The following NAA11 variants were observed in gnomAD, a reference collection of about 807,000 sequenced individuals.
The protein encoded by NAA11 is N-alpha-acetyltransferase 11, NatA catalytic subunit, also known as N-alpha-acetyltransferase 11.
A neutral mutation model predicts 16.1 loss-of-function variants in NAA11; 15 were observed. The observed-to-expected ratio is 0.93, with a 90% CI of 0.62 to 1.44. The LOEUF is 1.44. Among genes scored for constraint, NAA11 ranks in the 40% most tolerant of loss-of-function variants. The probability of loss-of-function intolerance (pLI) is 0.00; values close to 1 mark genes in which losing one functional copy is unlikely to be tolerated. For synonymous variants in NAA11, 122 were observed against 112.4 expected (o/e 1.09, Z -0.54); for missense variants, 298 against 291.3 (o/e 1.02, Z -0.17).
At chr4:79,216,121 A>C in the NAA11 span, among the ~76,000 whole-genome samples, 1 of 152,072 alleles carries the variant, frequency 6.6e-6, no homozygotes, top group Non-Finnish European at 1.5e-5. Flanking sequence ...TATCTCAATT[A>C]TTTTACTTTT....
At chr4:79,262,383 G>A (rs1560431498) in intron 2 of NAA11, among the ~76,000 whole-genome samples, 1 of 152,156 alleles carries the variant, frequency 6.6e-6, no homozygotes, top group Non-Finnish European at 1.5e-5. Flanking sequence ...GATCAATATA[G>A]CTGTTCTTCA....
At position 79,324,464 on chromosome 4, in the gene NAA11, T is replaced by G. The variant is rs534258726; in HGVS notation, c.*12+712A>C. On this transcript the variant is annotated intron_variant, in intron 1 of 1. Transcript: ENST00000286794. The stretch of plus-strand genomic sequence containing the variant: ...TTAACAGAAAATGCTTCATCTTTTT[T>G]TGTGTGTGTGCCATTTATTTGTTGA... Among the ~76,000 whole-genome samples the G allele has an allele frequency of 1.1e-4, 17 of 152,294 alleles. 1 individual carries two copies. In the South Asian group the frequency reaches 2.3e-3, roughly 20 times the overall value.
chr4:79,166,498 T>C, the NAA11 span, among the ~76,000 whole-genome samples: 110 of 150,780 alleles, frequency 7.3e-4, no homozygotes, highest in Non-Finnish European at 1.3e-3. Flanking sequence ...ATTATAGGTG[T>C]GCACTACCAT....
the NAA11 span, among the ~76,000 whole-genome samples, chr4:79,198,937 A>C: frequency 3.3e-5 from 5 of 151,940 alleles, no homozygotes; most frequent in African/African-American, 1.2e-4. Context: ...TCTATGGCAA[A>C]TGGCATGCAA....
At chr4:79,276,813 A>G (rs1722660133) in intron 2 of NAA11, among the ~76,000 whole-genome samples, 1 of 152,166 alleles carries the variant, frequency 6.6e-6, no homozygotes, top group South Asian at 2.1e-4. Flanking sequence ...TTGGAGTCCC[A>G]TGGGGAATAC....
At chr4:79,200,346 C>T in the NAA11 span, among the ~76,000 whole-genome samples, 2 of 151,742 alleles carry the variant, frequency 1.3e-5, no homozygotes, top group African/African-American at 2.4e-5. Context: ...GTGAACAAGA[C>T]GGGGTTGATT....
At chr4:79,310,299 A>T (rs1005115011) in intron 1 of NAA11, among the ~76,000 whole-genome samples, 8 of 152,236 alleles carry the variant, frequency 5.3e-5, no homozygotes, top group Non-Finnish European at 1.2e-4. Flanking sequence ...ACTAAAAAGG[A>T]AGTGGATGAA....
intron 2 of NAA11, among the ~76,000 whole-genome samples, chr4:79,276,723 C>T (rs1024515328): frequency 6.6e-6 from 1 of 151,956 alleles, no homozygotes; most frequent in Non-Finnish European, 1.5e-5. Context: ...TTTCATCAAC[C>T]AGAGGGAGGA....
intron 2 of NAA11, among the ~76,000 whole-genome samples, chr4:79,228,715 A>T (rs1319551470): frequency 6.6e-6 from 1 of 151,922 alleles, no homozygotes; most frequent in Non-Finnish European, 1.5e-5. Context: ...CACTATTTGG[A>T]GAATATTTGG....
At chr4:79,195,960 T>C in the NAA11 span, 1 of 152,338 alleles carries the variant, frequency 6.6e-6, no homozygotes, top group Non-Finnish European at 1.5e-5. Context: ...CTTTCCTTTA[T>C]AAATTACCCA....
the NAA11 span, among the ~76,000 whole-genome samples, chr4:79,194,067 G>T: frequency 4.6e-5 from 7 of 152,106 alleles, no homozygotes; most frequent in African/African-American, 1.7e-4. Flanking sequence ...TTTGCACATT[G>T]ATTTTGTATC....
chr4:79,251,193 C>T (rs960359460), intron 2 of NAA11, among the ~76,000 whole-genome samples: 12 of 152,158 alleles, frequency 7.9e-5, no homozygotes, highest in African/African-American at 2.7e-4. Flanking sequence ...CACTGCAGCA[C>T]TATTAACAAT....
intron 2 of NAA11, among the ~76,000 whole-genome samples, chr4:79,254,893 G>C (rs187480580): frequency 6.6e-6 from 1 of 151,912 alleles, no homozygotes; most frequent in Non-Finnish European, 1.5e-5. Context: ...TCATAAGTTG[G>C]TATTATTATC....
the NAA11 span, among the ~76,000 whole-genome samples, chr4:79,183,208 T>C: frequency 6.6e-6 from 1 of 152,126 alleles, no homozygotes; most frequent in Non-Finnish European, 1.5e-5. Context: ...CTAGGATGAA[T>C]AATATAACTT....
intron 2 of NAA11, among the ~76,000 whole-genome samples, chr4:79,256,852 C>T (rs1722124792): frequency 6.6e-6 from 1 of 151,588 alleles, no homozygotes; most frequent in Admixed American, 6.6e-5. Context: ...CAGGGTTTCA[C>T]TGTGTTGACC....
chr4:79,326,030 G>A lies in NAA11; in HGVS notation c.-153C>T, dbSNP rs1724272660. 7 of 649,092 alleles carry A rather than the reference G, an allele frequency of 1.1e-5. No individual in the cohort carries two copies. The highest frequency in any genetic ancestry group is 8.2e-5 in the East Asian group (3 of 36,386). 40.2% of individuals were successfully genotyped at this position (649,092 alleles called of 1,614,324 possible). On this transcript the variant is annotated 5_prime_UTR_variant, in exon 1 of 2. Transcript: ENST00000286794. ...GAGGGCGGATGGCGGGAAGGCGGAA[G>A]GAGCAGGAGATGGAAAAGATGGTGC... is the stretch of plus-strand genomic sequence containing the variant.
Position 79,316,679 on chromosome 4 carries a change from G to A in NAA11, c.*1125C>T, listed in dbSNP as rs183053373. 6.6e-6 allele frequency: 1 copy of A among 151,956 alleles called. No individual in the cohort carries two copies. The highest frequency in any genetic ancestry group is 6.6e-5 in the Admixed American group (1 of 15,256). The allele number at this position is 151,956 out of a possible 1,614,324, so 9.4% of individuals were successfully genotyped here. A position where few individuals can be genotyped will look rare whatever the true frequency, so the allele number is the denominator to read the frequency against. The stretch of plus-strand genomic sequence containing the variant: ...TTATCTGGTAACTTTTACTGCAGAG[G>A]TCAAGGTACTTTGTCTTCACTTATT... On this transcript the variant is annotated 3_prime_UTR_variant, in exon 2 of 2. Transcript: ENST00000286794.
At chr4:79,241,050 A>C (rs1319667390) in intron 2 of NAA11, among the ~76,000 whole-genome samples, 1 of 152,180 alleles carries the variant, frequency 6.6e-6, no homozygotes, top group East Asian at 1.9e-4. Flanking sequence ...TATCAACTAA[A>C]GTAGACCCTT....
chr4:79,322,112 A>G lies in NAA11; in HGVS notation c.*12+3064T>C, dbSNP rs1724106918. On this transcript the variant is annotated intron_variant, in intron 1 of 1. Coordinates refer to ENST00000286794, the MANE Select transcript of NAA11 (RefSeq NM_032693.3). The stretch of plus-strand genomic sequence containing the variant: ...AGATTTGGAAGTTAATTTTTAGAGC[A>G]GTTAGCCTGTGCAGACTAATACTCA... Among the ~76,000 whole-genome samples, 7 of 152,334 alleles carry G rather than the reference A, an allele frequency of 4.6e-5. No homozygotes were observed. In the South Asian group the frequency reaches 1.5e-3, roughly 32 times the overall value.
Sources: gnomAD v4.1 joint callset for allele counts (sites outside exome capture counted in the v4.1 genomes callset) on GRCh38, gnomAD v4.1.1 for gene constraint, MANE v1.5 for transcripts, NCBI Gene and HGNC (gene_info 2026-07-23, HGNC 2026-07-21) for gene names.